The following IPCEF1 variants were observed in gnomAD, a reference collection of about 807,000 sequenced individuals.
The protein encoded by IPCEF1 is interactor protein for cytohesin exchange factors 1.
Under a neutral mutation model 50.9 loss-of-function variants are expected in IPCEF1, and 31 were observed. The observed-to-expected ratio is 0.61, with a 90% CI of 0.46 to 0.82. The LOEUF is 0.82. Ranked by LOEUF, IPCEF1 falls within the 40% of genes least tolerant of loss-of-function variation. IPCEF1 has a pLI of 0.00. For missense variants in IPCEF1, 458 were observed against 514.0 expected (o/e 0.89, Z 1.05); for synonymous variants, 181 against 192.0 (o/e 0.94, Z 0.47).
intron 2 of IPCEF1, among the ~76,000 whole-genome samples, chr6:154,273,753 T>C (rs796608998): frequency 0.017 from 1,229 of 72,586 alleles, 130 homozygotes; most frequent in East Asian, 0.085. Flanking sequence ...TTTTTTTTTT[T>C]TTTTTTTTTT....
chr6:154,240,106 A>T (rs1483296230), intron 5 of IPCEF1, among the ~76,000 whole-genome samples: 2 of 152,218 alleles, frequency 1.3e-5, no homozygotes, highest in Non-Finnish European at 2.9e-5. Context: ...AAAAGCCCAT[A>T]ATTCTCATTT....
intron 5 of IPCEF1, 128 bp downstream of exon 5, chr6:154,246,463 C>A (rs1583898364): frequency 8.9e-7 from 1 of 1,124,472 alleles, no homozygotes; most frequent in Non-Finnish European, 1.3e-6. Flanking sequence ...GCTTCTATAA[C>A]TTATTTGTTT....
intron 1 of IPCEF1, among the ~76,000 whole-genome samples, chr6:154,291,597 G>A (rs182215382): frequency 1.3e-5 from 2 of 150,426 alleles, no homozygotes; most frequent in African/African-American, 4.9e-5. Flanking sequence ...CATAAAGATG[G>A]TTCACCCCTA....
intron 2 of IPCEF1, among the ~76,000 whole-genome samples, chr6:154,271,066 A>G (rs1351621383): frequency 6.6e-6 from 1 of 151,730 alleles, no homozygotes; most frequent in Non-Finnish European, 1.5e-5. Flanking sequence ...AGGCATAAAA[A>G]TATGTAATAG....
At chr6:154,295,108 G>A (rs1782611299) in intron 1 of IPCEF1, among the ~76,000 whole-genome samples, 1 of 152,016 alleles carries the variant, frequency 6.6e-6, no homozygotes. Flanking sequence ...TGAGGCGGAA[G>A]AATGGCGTGA....
intron 3 of IPCEF1, among the ~76,000 whole-genome samples, chr6:154,262,567 C>T (rs1051996589): frequency 6.6e-6 from 1 of 152,208 alleles, no homozygotes; most frequent in African/African-American, 2.4e-5. Flanking sequence ...CACTTAAATG[C>T]TCTCTTATTA....
chr6:154,311,603 T>A (rs1487059535), intron 1 of IPCEF1, among the ~76,000 whole-genome samples: 1 of 152,200 alleles, frequency 6.6e-6, no homozygotes, highest in Admixed American at 6.5e-5. Flanking sequence ...TATTTTTAAA[T>A]AACCCAATTT....
At chr6:154,212,882 G>A (rs1778077881) in intron 8 of IPCEF1, 27 bp from the exon 9 acceptor site, 1 of 1,465,238 alleles carries the variant, frequency 6.8e-7, no homozygotes, top group Non-Finnish European at 9.6e-7. Flanking sequence ...AATGCTTAAT[G>A]TTTTAACGCT....
chr6:154,286,596 C>T (rs143912547), intron 2 of IPCEF1, among the ~76,000 whole-genome samples: 1 of 152,240 alleles, frequency 6.6e-6, no homozygotes, highest in East Asian at 1.9e-4. Context: ...AATCTGAAAT[C>T]CAGCAGTGTT....
chr6:154,198,787 G>T (rs904837471), intron 10 of IPCEF1, among the ~76,000 whole-genome samples: 5 of 152,100 alleles, frequency 3.3e-5, no homozygotes, highest in African/African-American at 9.7e-5. Flanking sequence ...GAGGAGAGGA[G>T]AGAGCAGTCA....
At chr6:154,355,955 C>A (rs1370836145) in intron 1 of IPCEF1, among the ~76,000 whole-genome samples, 1 of 151,878 alleles carries the variant, frequency 6.6e-6, no homozygotes, top group South Asian at 2.1e-4. Context: ...GCCCAGCCCT[C>A]GGTTTCAATT....
At position 154,268,119 on chromosome 6, in the gene IPCEF1, C is replaced by T. The variant is rs150775634; in HGVS notation, c.-17-2155G>A. ...CTTCCGCCCTGGCATCTGTCTGCCT[C>T]CTGCTGCCGTTCATGGTGCCTGGGC... On this transcript the variant is annotated intron_variant, in intron 2 of 11. Transcript: ENST00000367220. Among the ~76,000 whole-genome samples the T allele has an allele frequency of 2.9e-3, 443 of 152,364 alleles. 1 individual carries two copies. The highest frequency in any genetic ancestry group is 0.014 in the Middle Eastern group (4 of 294).
At chr6:154,283,672 A>G (rs1336836154) in intron 2 of IPCEF1, among the ~76,000 whole-genome samples, 1 of 152,228 alleles carries the variant, frequency 6.6e-6, no homozygotes, top group Non-Finnish European at 1.5e-5. Context: ...CAGAATTTCA[A>G]AGTATACAGA....
intron 7 of IPCEF1, among the ~76,000 whole-genome samples, chr6:154,219,399 A>G (rs1320651107): frequency 2.0e-5 from 3 of 152,172 alleles, no homozygotes; most frequent in African/African-American, 7.2e-5. Flanking sequence ...TGGAGCTACA[A>G]GGCACTTTTA....
chr6:154,179,311 C>T (rs545608318), intron 10 of IPCEF1, among the ~76,000 whole-genome samples: 2 of 152,170 alleles, frequency 1.3e-5, no homozygotes, highest in Non-Finnish European at 2.9e-5. Context: ...AGAGGCTTTT[C>T]AGTAAAGCAG....
At chr6:154,283,762 C>T (rs1480813915) in intron 2 of IPCEF1, among the ~76,000 whole-genome samples, 1 of 152,122 alleles carries the variant, frequency 6.6e-6, no homozygotes, top group Non-Finnish European at 1.5e-5. Context: ...GACATGGGGG[C>T]AATATCTTTG....
intron 3 of IPCEF1, among the ~76,000 whole-genome samples, chr6:154,265,026 C>G (rs1164173657): frequency 6.6e-6 from 1 of 152,194 alleles, no homozygotes; most frequent in Non-Finnish European, 1.5e-5. Flanking sequence ...CTCTGCTCCT[C>G]AAACTCTGAC....
Position 154,308,199 on chromosome 6 carries a change from C to T in IPCEF1, c.-61-18443G>A, listed in dbSNP as rs948385047. On this transcript the variant is annotated intron_variant, in intron 1 of 11. Transcript: ENST00000367220. ...GTGCAATCATGGCTGGCTGCAGCCT[C>T]AAGCTCCCAGGCTCAAGCGATCCTC... Among the ~76,000 whole-genome samples the T allele has an allele frequency of 3.3e-5, 5 of 152,336 alleles. No individual in the cohort carries two copies. In the South Asian group the frequency reaches 1.0e-3, roughly 32 times the overall value.
At position 154,354,523 on chromosome 6, in the gene IPCEF1, A is replaced by G. The variant is rs1054747218; in HGVS notation, c.-62+2149T>C. Among the ~76,000 whole-genome samples, 5 of 141,460 alleles carry G rather than the reference A, an allele frequency of 3.5e-5. No homozygotes were observed. In the East Asian group the frequency reaches 1.0e-3, roughly 29 times the overall value. The allele number at this position is 141,460 out of a possible 152,430, so 92.8% of individuals were successfully genotyped here. A position where few individuals can be genotyped will look rare whatever the true frequency, so the allele number is the denominator to read the frequency against. ...TTCCACCATCACCTCTACCACTCCAATCACCATTTCTACCATCTCCATTAC... is the reference window on the plus strand; with the variant it reads ...TTCCACCATCACCTCTACCACTCCAGTCACCATTTCTACCATCTCCATTAC... On this transcript the variant is annotated intron_variant, in intron 1 of 11. Transcript: ENST00000367220.
Sources: allele counts gnomAD v4.1 joint callset (sites outside exome capture counted in the v4.1 genomes callset), GRCh38; gene constraint gnomAD v4.1.1; transcripts MANE v1.5; gene names NCBI Gene and HGNC (gene_info 2026-07-23, HGNC 2026-07-21).